GPR89A: variants seen among roughly 807,000 people sequenced by gnomAD.
GPR89A encodes the protein G protein-coupled receptor 89A.
A neutral mutation model predicts 52.0 loss-of-function variants in GPR89A; 16 were observed. The ratio of observed to expected loss-of-function variants is 0.31; its 90% CI spans 0.21 to 0.47. The LOEUF (loss-of-function observed/expected upper bound fraction) is 0.47, where lower values mean the gene tolerates loss of function less well. Among genes scored for constraint, GPR89A ranks in the 20% least tolerant of loss-of-function variants. The pLI is 1.00. For missense variants in GPR89A, 135 were observed against 449.4 expected (o/e 0.30, Z 6.33); for synonymous variants, 55 against 150.9 (o/e 0.36, Z 4.66).
At chr1:145,654,066 TG>T (rs1553694093) in intron 10 of GPR89A, among the ~76,000 whole-genome samples, 2 of 152,246 alleles carry the variant, frequency 1.3e-5, no homozygotes, top group Non-Finnish European at 2.9e-5. Context: ...GTCATTGCTT[TG>T]TGTACTTCAG....
intron 11 of GPR89A, among the ~76,000 whole-genome samples, chr1:145,665,212 G>C (rs1277621714): frequency 2.0e-4 from 31 of 152,010 alleles, no homozygotes; most frequent in Non-Finnish European, 3.8e-4. Flanking sequence ...GCCGGGCATG[G>C]TGACTCATGC....
chr1:145,640,136 T>C (rs1451036225), intron 7 of GPR89A, among the ~76,000 whole-genome samples: 1 of 149,996 alleles, frequency 6.7e-6, no homozygotes, highest in African/African-American at 2.5e-5. Flanking sequence ...GGAGAATTGC[T>C]GAACCCAGGA....
intron 3 of GPR89A, among the ~76,000 whole-genome samples, chr1:145,619,343 C>T (rs1648948962): frequency 6.8e-6 from 1 of 147,286 alleles, no homozygotes; most frequent in African/African-American, 2.5e-5. Context: ...GACATAGTGG[C>T]TCACGCCTAT....
chr1:145,624,576 C>G (rs1217202414), intron 5 of GPR89A, among the ~76,000 whole-genome samples: 2 of 151,204 alleles, frequency 1.3e-5, no homozygotes. Flanking sequence ...CTTCTTATTG[C>G]AGAAAACAGA....
intron 7 of GPR89A, among the ~76,000 whole-genome samples, chr1:145,635,951 C>T (rs1650210488): frequency 6.6e-6 from 1 of 150,984 alleles, no homozygotes; most frequent in African/African-American, 2.4e-5. Flanking sequence ...GAACGAGACT[C>T]TGTCTCAAAA....
At chr1:145,628,645 G>T (rs1649671787) in intron 5 of GPR89A, among the ~76,000 whole-genome samples, 1 of 152,014 alleles carries the variant, frequency 6.6e-6, no homozygotes, top group South Asian at 2.1e-4. Flanking sequence ...AGGGTTAAAT[G>T]AATTAGAACA....
chr1:145,636,302 T>C (rs1357686074), intron 7 of GPR89A, among the ~76,000 whole-genome samples: 2 of 129,984 alleles, frequency 1.5e-5, no homozygotes, highest in African/African-American at 3.0e-5. Context: ...AAAAACTGTT[T>C]TTGTTGTTTA....
intron 5 of GPR89A, among the ~76,000 whole-genome samples, chr1:145,627,130 C>T (rs1649567309): frequency 6.6e-6 from 1 of 150,838 alleles, no homozygotes; most frequent in Middle Eastern, 3.2e-3. Flanking sequence ...AGATGATCTT[C>T]TGCTAGTCTC....
chr1:145,614,442 C>G (rs1348189896), intron 1 of GPR89A, among the ~76,000 whole-genome samples: 1 of 152,160 alleles, frequency 6.6e-6, no homozygotes, highest in Non-Finnish European at 1.5e-5. Context: ...TTTGTATCCT[C>G]AGCACTTAGC....
chr1:145,610,926 G>T (rs185759984), intron 1 of GPR89A, among the ~76,000 whole-genome samples: 136 of 151,944 alleles, frequency 9.0e-4, no homozygotes, highest in African/African-American at 3.2e-3. Context: ...CATGTTTTGA[G>T]CCCTCTATAC....
chr1:145,626,633 T>C (rs1649516396), intron 5 of GPR89A, among the ~76,000 whole-genome samples: 1 of 151,156 alleles, frequency 6.6e-6, no homozygotes, highest in Non-Finnish European at 1.5e-5. Flanking sequence ...ACAACCAGTA[T>C]GGTTGTTTAT....
chr1:145,650,779 A>G (rs1454346599), intron 10 of GPR89A, among the ~76,000 whole-genome samples: 1 of 151,800 alleles, frequency 6.6e-6, no homozygotes, highest in African/African-American at 2.4e-5. Flanking sequence ...TGTTGGCCAC[A>G]TAAATGTCTT....
At chr1:145,657,390 C>CAA (rs782628681) in intron 10 of GPR89A, among the ~76,000 whole-genome samples, 2 of 114,498 alleles carry the variant, frequency 1.7e-5, no homozygotes, top group Non-Finnish European at 1.8e-5. Flanking sequence ...GACTCTGTCT[C>CAA]AAAAAAAAAA....
intron 7 of GPR89A, among the ~76,000 whole-genome samples, chr1:145,638,152 AGAGC>A (rs1468681531): frequency 1.3e-5 from 2 of 149,470 alleles, no homozygotes; most frequent in Non-Finnish European, 2.9e-5. Flanking sequence ...CTTGGGTGAC[AGAGC>A]GAGACTGTCT....
At chr1:145,629,379 G>T (rs1180087151) in intron 5 of GPR89A, among the ~76,000 whole-genome samples, 1 of 151,970 alleles carries the variant, frequency 6.6e-6, no homozygotes, top group Non-Finnish European at 1.5e-5. Flanking sequence ...GTAGAGTGAA[G>T]GTAGTTTATG....
chr1:145,639,622 C>A (rs1333255190), intron 7 of GPR89A, among the ~76,000 whole-genome samples: 1 of 151,632 alleles, frequency 6.6e-6, no homozygotes, highest in Admixed American at 6.6e-5. Flanking sequence ...TGGCATGCGC[C>A]TGTAGTCCCA....
intron 11 of GPR89A, 69 bp downstream of exon 11, chr1:145,663,493 G>C (rs1310550642): frequency 3.7e-6 from 6 of 1,600,010 alleles, no homozygotes; most frequent in Non-Finnish European, 5.1e-6. Flanking sequence ...CCATTGTTAA[G>C]ATTCTAATTT....
At chr1:145,661,985 A>G (rs1652234784) in intron 10 of GPR89A, among the ~76,000 whole-genome samples, 1 of 152,122 alleles carries the variant, frequency 6.6e-6, no homozygotes, top group African/African-American at 2.4e-5. Context: ...CATGTGGTCT[A>G]AGAACATATT....
chr1:145,623,002 A>T (rs1342794688), intron 3 of GPR89A, 52 bp from the exon 4 acceptor site: 1 of 1,598,222 alleles, frequency 6.3e-7, no homozygotes, highest in Non-Finnish European at 8.5e-7. Context: ...AAAGAGAAAG[A>T]AAGTTGCTGC....
Sources: gnomAD v4.1 joint callset for allele counts (sites outside exome capture counted in the v4.1 genomes callset) on GRCh38, gnomAD v4.1.1 for gene constraint, MANE v1.5 for transcripts, NCBI Gene and HGNC (gene_info 2026-07-23, HGNC 2026-07-21) for gene names.